Variants in SLC16A1 observed in about 807,000 individuals in gnomAD.
The protein encoded by SLC16A1 is solute carrier family 16 member 1.
SLC16A1 carries 11 observed loss-of-function variants against 32.2 expected under a neutral mutation model. That is an observed-to-expected ratio of 0.34 (90% confidence interval 0.21 to 0.56). The LOEUF (loss-of-function observed/expected upper bound fraction) is 0.56, where lower values mean the gene tolerates loss of function less well. Ranked by LOEUF, SLC16A1 falls within the 20% of genes least tolerant of loss-of-function variation. The probability of loss-of-function intolerance (pLI) is 0.87; values close to 1 mark genes in which losing one functional copy is unlikely to be tolerated. For missense variants in SLC16A1, 435 were observed against 615.0 expected (o/e 0.71, Z 3.10); for synonymous variants, 231 against 226.8 (o/e 1.02, Z -0.17).
intron 1 of SLC16A1, among the ~76,000 whole-genome samples, chr1:112,941,797 T>C (rs970098065): frequency 6.6e-6 from 1 of 152,178 alleles, no homozygotes; most frequent in South Asian, 2.1e-4. Flanking sequence ...AAATATAGCA[T>C]GTGCTAAATT....
At chr1:112,951,651 C>T (rs1025574443) in intron 1 of SLC16A1, among the ~76,000 whole-genome samples, 4 of 152,086 alleles carry the variant, frequency 2.6e-5, no homozygotes, top group South Asian at 4.1e-4. Flanking sequence ...CCAAAAGAAA[C>T]GCCATAAATT....
chr1:112,924,001 A>G, intron 2 of SLC16A1: 1 of 1,408,042 alleles, frequency 7.1e-7, no homozygotes, highest in Non-Finnish European at 1.0e-6. Flanking sequence ...GACAGGAAAC[A>G]GCCCATGGGC....
At chr1:112,940,604 G>T (rs1455791347) in intron 1 of SLC16A1, among the ~76,000 whole-genome samples, 1 of 152,108 alleles carries the variant, frequency 6.6e-6, no homozygotes, top group African/African-American at 2.4e-5. Flanking sequence ...GTATAACAGG[G>T]ATGTATTAAT....
At chr1:112,926,908 TA>T (rs1170572493) in intron 2 of SLC16A1, among the ~76,000 whole-genome samples, 1 of 119,132 alleles carries the variant, frequency 8.4e-6, no homozygotes, top group South Asian at 2.3e-4. Flanking sequence ...AAATAAATAA[TA>T]AAAAAACTTA....
chr1:112,923,963 G>T, intron 2 of SLC16A1: 1 of 1,490,740 alleles, frequency 6.7e-7, no homozygotes, highest in African/African-American at 1.4e-5. Context: ...GGGACCTGCT[G>T]ACTGGCAAGT....
intron 2 of SLC16A1, 81 bp downstream of exon 2, chr1:112,929,007 CTTTT>C: frequency 1.6e-5 from 13 of 807,036 alleles, no homozygotes; most frequent in Non-Finnish European, 2.5e-5. Context: ...CTGAATAAGA[CTTTT>C]TTTTTTTTTT....
At chr1:112,955,412 C>G (rs1650044123) in intron 1 of SLC16A1, 1 of 152,264 alleles carries the variant, frequency 6.6e-6, no homozygotes, top group Non-Finnish European at 1.5e-5. Flanking sequence ...AAAGAGCCCC[C>G]GTCAGCACCA....
chr1:112,935,801 TGACA>T, intron 1 of SLC16A1: 1 of 152,222 alleles, frequency 6.6e-6, no homozygotes, highest in Non-Finnish European at 1.5e-5. Flanking sequence ...ACAGTCTTCC[TGACA>T]ATTTTGAAAA....
rs956558059 is a variant in SLC16A1 at position 112,946,328 on chromosome 1, T to C, written c.-45+9707A>G. 1.8e-4 allele frequency among the ~76,000 whole-genome samples: 28 copies of C among 152,070 alleles called. 1 individual carries two copies. The highest frequency in any genetic ancestry group is 6.5e-4 in the African/African-American group (27 of 41,390). On this transcript the variant is annotated intron_variant, in intron 1 of 4. Coordinates refer to ENST00000369626, the MANE Select transcript of SLC16A1 (RefSeq NM_003051.4). ...GGCTCACACCTGTAATCCCAGCACT[T>C]TGGGAGGCCAAGGCAGGCGGATCCA...
chr1:112,950,149 A>G (rs1291438724), intron 1 of SLC16A1, among the ~76,000 whole-genome samples: 6 of 124,434 alleles, frequency 4.8e-5, no homozygotes, highest in Non-Finnish European at 1.2e-4. Flanking sequence ...AAAAGATATA[A>G]TATTTTTCCC....
intron 1 of SLC16A1, among the ~76,000 whole-genome samples, chr1:112,944,905 C>T (rs1205114909): frequency 6.6e-6 from 1 of 151,714 alleles, no homozygotes; most frequent in Non-Finnish European, 1.5e-5. Flanking sequence ...GCTGGCTAGG[C>T]TGGTCTCAAA....
chr1:112,919,585 A>G (rs1001114424), intron 3 of SLC16A1, among the ~76,000 whole-genome samples: 2 of 152,236 alleles, frequency 1.3e-5, no homozygotes, highest in Non-Finnish European at 2.9e-5. Flanking sequence ...CAGAAACACT[A>G]TAGAAAGTCC....
intron 1 of SLC16A1, among the ~76,000 whole-genome samples, chr1:112,944,269 G>A (rs902916223): frequency 5.3e-5 from 8 of 152,108 alleles, no homozygotes; most frequent in African/African-American, 9.7e-5. Flanking sequence ...TTGGCCATAT[G>A]GCGAAACCCT....
rs541432834 is a variant in SLC16A1 at position 112,940,096 on chromosome 1, G to A, written c.-44-10744C>T. 1.0e-4 allele frequency among the ~76,000 whole-genome samples: 15 copies of A among 147,212 alleles called. 2 individuals carry two copies. The highest frequency in any genetic ancestry group is 3.5e-3 in the Middle Eastern group (1 of 284). On this transcript the variant is annotated intron_variant, in intron 1 of 4. Coordinates refer to ENST00000369626, the MANE Select transcript of SLC16A1 (RefSeq NM_003051.4). ...AGTGTCTCGCTGTGTCACCCAGGCT[G>A]GAGTAGAGTGGTGCAGTGCCTCACT...
chr1:112,914,060 T>C lies in SLC16A1; in HGVS notation c.1334A>G (p.Tyr445Cys), dbSNP rs1472261059. The C allele has an allele frequency of 6.2e-7, 1 of 1,614,208 alleles. No homozygotes were observed. The highest frequency in any genetic ancestry group is 1.7e-5 in the Admixed American group (1 of 60,016). Residue 445 changes from tyrosine to cysteine, a missense_variant, in exon 5 of 5, where the codon TAT becomes TGT. Transcript: ENST00000369626. ...TTTCTGTTCTTTTGCCAAAAGTCGA[T>C]AATTGATGCCCATGCCAATGAAGAG... ...IYLFIGMGINYRLLAKEQKAN... is the reference protein window; with the variant it reads ...IYLFIGMGINCRLLAKEQKAN...
chr1:112,951,240 G>A (rs373968470), intron 1 of SLC16A1, among the ~76,000 whole-genome samples: 1 of 152,014 alleles, frequency 6.6e-6, no homozygotes, highest in Non-Finnish European at 1.5e-5. Context: ...AATGAAAAGT[G>A]GGGGGTTGGA....
chr1:112,954,071 C>T (rs371956876), intron 1 of SLC16A1, among the ~76,000 whole-genome samples: 15 of 152,228 alleles, frequency 9.9e-5, no homozygotes, highest in East Asian at 9.6e-4. Flanking sequence ...AACAAATTGC[C>T]GAACATATAA....
chr1:112,915,615 C>A (rs1648475615), intron 4 of SLC16A1, among the ~76,000 whole-genome samples: 1 of 152,146 alleles, frequency 6.6e-6, no homozygotes, highest in Non-Finnish European at 1.5e-5. Context: ...AGAACTGATA[C>A]AGGTAGACCA....
At chr1:112,954,955 G>A (rs1650023008) in intron 1 of SLC16A1, among the ~76,000 whole-genome samples, 1 of 151,994 alleles carries the variant, frequency 6.6e-6, no homozygotes, top group Non-Finnish European at 1.5e-5. Context: ...TCACTGGGCT[G>A]GTGGTTGGGA....
Sources: allele counts gnomAD v4.1 joint callset (sites outside exome capture counted in the v4.1 genomes callset), GRCh38; gene constraint gnomAD v4.1.1; transcripts MANE v1.5; gene names NCBI Gene and HGNC (gene_info 2026-07-23, HGNC 2026-07-21).